ST3GAL3: variants seen among roughly 807,000 people sequenced by gnomAD.
ST3GAL3 encodes CMP-N-acetylneuraminate-beta-1,4-galactoside alpha-2,3-sialyltransferase.
ST3GAL3 carries 21 observed loss-of-function variants against 50.1 expected under a neutral mutation model. The observed-to-expected ratio is 0.42, with a 90% CI of 0.30 to 0.60. The LOEUF (loss-of-function observed/expected upper bound fraction) is 0.60, where lower values mean the gene tolerates loss of function less well. Ranked by LOEUF, ST3GAL3 falls within the 20% of genes least tolerant of loss-of-function variation. The pLI is 0.19. For missense variants in ST3GAL3, 353 were observed against 489.4 expected, an observed-to-expected ratio of 0.72 and a Z score of 2.63; for synonymous variants, 183 against 190.0, an observed-to-expected ratio of 0.96 and a Z score of 0.30.
At chr1:43,882,274 G>C (rs1409246924) in intron 5 of ST3GAL3, among the ~76,000 whole-genome samples, 1 of 152,182 alleles carries the variant, frequency 6.6e-6, no homozygotes, top group African/African-American at 2.4e-5. Context: ...GAGGCATGGA[G>C]GCGTTAAAGA....
intron 2 of ST3GAL3, chr1:43,771,825 T>A: frequency 5.0e-6 from 2 of 397,500 alleles, no homozygotes. Context: ...GCTTATAGTG[T>A]TAATTTGAGG....
intron 1 of ST3GAL3, among the ~76,000 whole-genome samples, chr1:43,721,397 C>G (rs1343327951): frequency 1.3e-5 from 2 of 149,892 alleles, no homozygotes; most frequent in Non-Finnish European, 3.0e-5. Context: ...CTCCACCTCC[C>G]AGGTTCAAGC....
chr1:43,790,488 C>T (rs2057917376), intron 2 of ST3GAL3, among the ~76,000 whole-genome samples: 1 of 152,028 alleles, frequency 6.6e-6, no homozygotes, highest in Admixed American at 6.5e-5. Context: ...CTTGGTGCCC[C>T]TTATAATTGC....
chr1:43,817,773 TCTCCTCC>T (rs2061569599), intron 4 of ST3GAL3, among the ~76,000 whole-genome samples: 1 of 108,430 alleles, frequency 9.2e-6, no homozygotes, highest in South Asian at 3.7e-4. Context: ...CTCTTCTTCT[TCTCCTCC>T]TTCTTCTCCT....
chr1:43,826,536 A>G (rs554263713), intron 4 of ST3GAL3, among the ~76,000 whole-genome samples: 1 of 152,326 alleles, frequency 6.6e-6, no homozygotes, highest in East Asian at 1.9e-4. Context: ...AGTTCTCTAC[A>G]ATGTCTTCCA....
chr1:43,910,622 G>A lies in ST3GAL3; in HGVS notation c.745-9782G>A, dbSNP rs192248405. Among the ~76,000 whole-genome samples the A allele has an allele frequency of 2.3e-3, 348 of 152,330 alleles. 2 individuals carry two copies. The highest frequency in any genetic ancestry group is 7.5e-3 in the African/African-American group (310 of 41,572). On this transcript the variant is annotated intron_variant, in intron 9 of 11. Coordinates refer to ENST00000347631, the MANE Select transcript of ST3GAL3 (RefSeq NM_006279.5). ...CAGGATAAGGAGTGAGAGTGTTGGCGAGAGCAACAGGGCCTGGGCCTAAGG... is the reference window on the plus strand; with the variant it reads ...CAGGATAAGGAGTGAGAGTGTTGGCAAGAGCAACAGGGCCTGGGCCTAAGG...
chr1:43,884,157 G>C (rs1186549407), intron 5 of ST3GAL3, among the ~76,000 whole-genome samples: 1 of 152,308 alleles, frequency 6.6e-6, no homozygotes, highest in Non-Finnish European at 1.5e-5. Context: ...GTTGGATGGG[G>C]CCGTGTTTTC....
At chr1:43,824,808 T>C (rs941853146) in intron 4 of ST3GAL3, 5 of 1,356,814 alleles carry the variant, frequency 3.7e-6, no homozygotes, top group Non-Finnish European at 5.3e-6. Context: ...AAAAAATTAC[T>C]GATGCCTGCA....
chr1:43,830,201 T>TA (rs146829029), intron 4 of ST3GAL3, among the ~76,000 whole-genome samples: 14,887 of 151,338 alleles, frequency 0.098, 991 homozygotes, highest in Admixed American at 0.2. Context: ...CCCAGCTAAT[T>TA]AAAAAAAATT....
chr1:43,714,566 C>G (rs1054742513), intron 1 of ST3GAL3, among the ~76,000 whole-genome samples: 2 of 152,126 alleles, frequency 1.3e-5, no homozygotes, highest in Admixed American at 1.3e-4. Flanking sequence ...GATCACGCCA[C>G]TGCATTCCAC....
chr1:43,852,717 T>TGAAAGGAGATGAAGATTTGGAGACTGAAA (rs1398734405), intron 5 of ST3GAL3, among the ~76,000 whole-genome samples: 3 of 152,218 alleles, frequency 2.0e-5, no homozygotes, highest in Non-Finnish European at 4.4e-5. Context: ...TATGATAGAT[T>TGAAAGGAGATGAAGATTTGGAGACTGAAA]GAAAGGAGAT....
At chr1:43,761,338 TATGA>T (rs1461344323) in intron 2 of ST3GAL3, among the ~76,000 whole-genome samples, 1 of 151,726 alleles carries the variant, frequency 6.6e-6, no homozygotes, top group Admixed American at 6.6e-5. Context: ...ATTGTGGAAA[TATGA>T]ATGTAGTTTG....
intron 4 of ST3GAL3, among the ~76,000 whole-genome samples, chr1:43,830,125 C>T (rs548557717): frequency 2.6e-5 from 4 of 151,054 alleles, no homozygotes; most frequent in Non-Finnish European, 3.0e-5. Context: ...TCAGCCTCCC[C>T]GGCCCAAGCA....
intron 11 of ST3GAL3, among the ~76,000 whole-genome samples, chr1:43,929,025 C>G (rs1344778099): frequency 6.6e-6 from 1 of 152,228 alleles, no homozygotes; most frequent in Non-Finnish European, 1.5e-5. Flanking sequence ...TTCAGCCCTT[C>G]ATTCATTAAA....
intron 5 of ST3GAL3, among the ~76,000 whole-genome samples, chr1:43,883,046 C>T (rs761375549): frequency 6.6e-6 from 1 of 151,976 alleles, no homozygotes; most frequent in Non-Finnish European, 1.5e-5. Context: ...ACTGCAGCCT[C>T]GACCCTTCCA....
chr1:43,745,089 T>C (rs955176266), intron 2 of ST3GAL3, among the ~76,000 whole-genome samples: 1 of 152,102 alleles, frequency 6.6e-6, no homozygotes, highest in South Asian at 2.1e-4. Context: ...GAGTTTGAAA[T>C]CAGCCTGGCC....
chr1:43,838,188 G>A, intron 4 of ST3GAL3, 31 bp from the exon 5 acceptor site: 3 of 1,573,094 alleles, frequency 1.9e-6, no homozygotes, highest in Non-Finnish European at 2.6e-6. Context: ...TCAGTGCCTG[G>A]CAAGCTGTAA....
chr1:43,851,033 C>T, intron 5 of ST3GAL3: 1 of 846,478 alleles, frequency 1.2e-6, no homozygotes, highest in Non-Finnish European at 2.1e-6. Flanking sequence ...CCAGCTGCCA[C>T]CAGCCTGCTG....
intron 2 of ST3GAL3, among the ~76,000 whole-genome samples, chr1:43,783,972 T>A (rs778137614): frequency 6.6e-6 from 1 of 152,184 alleles, no homozygotes; most frequent in Non-Finnish European, 1.5e-5. Flanking sequence ...CTAAATAGAT[T>A]GTATGGACTG....
Sources: allele counts gnomAD v4.1 joint callset (sites outside exome capture counted in the v4.1 genomes callset), GRCh38; gene constraint gnomAD v4.1.1; transcripts MANE v1.5; gene names NCBI Gene and HGNC (gene_info 2026-07-23, HGNC 2026-07-21).